The following NME7 variants were observed in gnomAD, a reference collection of about 807,000 sequenced individuals.
NME7 encodes nucleoside diphosphate kinase 7.
Under a neutral mutation model 49.1 loss-of-function variants are expected in NME7, and 41 were observed. That is an observed-to-expected ratio of 0.83 (90% confidence interval 0.65 to 1.08). The LOEUF is 1.08. Among genes scored for constraint, NME7 ranks in the 50% least tolerant of loss-of-function variants. The probability of loss-of-function intolerance (pLI) is 0.00; values close to 1 mark genes in which losing one functional copy is unlikely to be tolerated. For missense variants in NME7, 423 were observed against 463.4 expected (o/e 0.91, Z 0.80); for synonymous variants, 139 against 150.6 (o/e 0.92, Z 0.56).
intron 1 of NME7, among the ~76,000 whole-genome samples, chr1:169,325,970 T>G (rs1418664437): frequency 6.6e-6 from 1 of 152,088 alleles, no homozygotes; most frequent in Non-Finnish European, 1.5e-5. Context: ...CACTGTGCAT[T>G]CTAGTATTGT....
At chr1:169,248,322 T>A (rs934591207) in intron 7 of NME7, among the ~76,000 whole-genome samples, 1 of 152,104 alleles carries the variant, frequency 6.6e-6, no homozygotes, top group African/African-American at 2.4e-5. Context: ...CACATTTTGA[T>A]GGGATTTTTT....
chr1:169,132,974 A>G (rs1365764808), intron 11 of NME7, among the ~76,000 whole-genome samples, 157 bp from the exon 12 acceptor site: 1 of 152,216 alleles, frequency 6.6e-6, no homozygotes, highest in Non-Finnish European at 1.5e-5. Context: ...GAATCGATGA[A>G]GCTCCAGTTT....
chr1:169,288,164 T>C (rs1650352457), intron 6 of NME7, among the ~76,000 whole-genome samples: 1 of 152,206 alleles, frequency 6.6e-6, no homozygotes, highest in Admixed American at 6.6e-5. Context: ...CATTTCCTGA[T>C]GCCTCCTTCC....
chr1:169,341,087 G>A (rs144867530), intron 1 of NME7, among the ~76,000 whole-genome samples: 11 of 152,222 alleles, frequency 7.2e-5, no homozygotes, highest in South Asian at 2.1e-4. Context: ...CCTCCAGGCC[G>A]TGTCAGAGAT....
intron 7 of NME7, among the ~76,000 whole-genome samples, chr1:169,263,807 C>T (rs1387958699): frequency 7.6e-6 from 1 of 131,940 alleles, no homozygotes; most frequent in African/African-American, 2.6e-5. Context: ...ATCAAATTTT[C>T]CAAGTTCAAA....
At chr1:169,249,139 TTG>T (rs1256331362) in intron 7 of NME7, among the ~76,000 whole-genome samples, 1 of 152,184 alleles carries the variant, frequency 6.6e-6, no homozygotes, top group East Asian at 1.9e-4. Context: ...TTCCATTTGT[TTG>T]TGTCATCTAT....
intron 10 of NME7, among the ~76,000 whole-genome samples, chr1:169,212,525 A>G (rs1363427377): frequency 6.6e-6 from 1 of 151,250 alleles, no homozygotes; most frequent in African/African-American, 2.4e-5. Flanking sequence ...AGTACTCCCA[A>G]ATGAGGGTGA....
chr1:169,240,022 G>A (rs1200075932), intron 7 of NME7, among the ~76,000 whole-genome samples: 1 of 151,860 alleles, frequency 6.6e-6, no homozygotes, highest in Non-Finnish European at 1.5e-5. Context: ...TAGTACTGAA[G>A]ACCTTTATAT....
chr1:169,278,697 CT>C (rs1233265867), intron 7 of NME7, among the ~76,000 whole-genome samples: 1 of 152,208 alleles, frequency 6.6e-6, no homozygotes, highest in Non-Finnish European at 1.5e-5. Context: ...CAAAGTCATT[CT>C]CCATCCAGCT....
In NME7 at chr1:169,228,041, T is replaced by C. The variant is rs973674821; in HGVS notation, c.990+2677A>G. 3.4e-5 allele frequency among the ~76,000 whole-genome samples: 5 copies of C among 147,128 alleles called. No individual in the cohort carries two copies. In the South Asian group the frequency reaches 6.5e-4, roughly 19 times the overall value. ...AAAAAAATATATAATTATGTGTGTA[T>C]ACACACACACACACACACACACACA... On this transcript the variant is annotated intron_variant, in intron 10 of 11. Coordinates refer to ENST00000367811, the MANE Select transcript of NME7 (RefSeq NM_013330.5).
intron 11 of NME7, among the ~76,000 whole-genome samples, chr1:169,165,218 T>C (rs1659375302): frequency 6.6e-6 from 1 of 152,140 alleles, no homozygotes; most frequent in Non-Finnish European, 1.5e-5. Flanking sequence ...TACTATGAGT[T>C]CTAGGAGAAC....
intron 7 of NME7, among the ~76,000 whole-genome samples, chr1:169,248,482 A>T (rs1648415685): frequency 1.3e-5 from 2 of 151,876 alleles, no homozygotes; most frequent in South Asian, 4.1e-4. Context: ...CTTTTATTTA[A>T]TTAGGTCCTA....
chr1:169,223,786 TAGAGAGAG>T (rs202096714), intron 10 of NME7, among the ~76,000 whole-genome samples: 1 of 150,104 alleles, frequency 6.7e-6, no homozygotes, highest in Non-Finnish European at 1.5e-5. Flanking sequence ...TATATATATA[TAGAGAGAG>T]AGAGAGAGAG....
At chr1:169,213,136 C>CATG (rs1409966927) in intron 10 of NME7, among the ~76,000 whole-genome samples, 3 of 152,148 alleles carry the variant, frequency 2.0e-5, no homozygotes, top group African/African-American at 7.2e-5. Context: ...GTCATGCTGG[C>CATG]CATGAGTTCA....
intron 1 of NME7, among the ~76,000 whole-genome samples, chr1:169,336,507 T>C (rs1044390086): frequency 6.6e-6 from 1 of 152,178 alleles, no homozygotes; most frequent in Non-Finnish European, 1.5e-5. Flanking sequence ...TCAGATTAGT[T>C]AGATACAGAG....
chr1:169,235,294 C>T (rs1267842710), intron 8 of NME7, 95 bp from the exon 9 acceptor site: 2 of 563,154 alleles, frequency 3.6e-6, no homozygotes, highest in Admixed American at 3.8e-5. Context: ...GTAATCTCTT[C>T]TTTACTCTAA....
At chr1:169,217,527 T>C (rs1661005090) in intron 10 of NME7, among the ~76,000 whole-genome samples, 1 of 152,228 alleles carries the variant, frequency 6.6e-6, no homozygotes, top group Non-Finnish European at 1.5e-5. Context: ...CTAGAAAATT[T>C]CAAATGTATT....
At chr1:169,185,593 AT>A (rs1375445367) in intron 10 of NME7, among the ~76,000 whole-genome samples, 1 of 152,090 alleles carries the variant, frequency 6.6e-6, no homozygotes, top group Non-Finnish European at 1.5e-5. Flanking sequence ...CTCTAGAAAA[AT>A]TGTCACTTCC....
intron 1 of NME7, among the ~76,000 whole-genome samples, chr1:169,362,199 CTG>C (rs1653687106): frequency 6.6e-6 from 1 of 152,128 alleles, no homozygotes; most frequent in Non-Finnish European, 1.5e-5. Flanking sequence ...TAGAGTGAGA[CTG>C]TGTCTCAAAA....
Sources: gnomAD v4.1 joint callset for allele counts (sites outside exome capture counted in the v4.1 genomes callset) on GRCh38, gnomAD v4.1.1 for gene constraint, MANE v1.5 for transcripts, NCBI Gene and HGNC (gene_info 2026-07-23, HGNC 2026-07-21) for gene names.